Variants in SLC6A14 observed in about 807,000 individuals in gnomAD.
The protein encoded by SLC6A14 is sodium- and chloride-dependent neutral and basic amino acid transporter B(0+).
A neutral mutation model predicts 51.4 loss-of-function variants in SLC6A14; 21 were observed. That is an observed-to-expected ratio of 0.41 (90% CI 0.29 to 0.59). The LOEUF is 0.59. Ranked by LOEUF, SLC6A14 falls within the 20% of genes least tolerant of loss-of-function variation. SLC6A14 has a pLI of 0.31. For missense variants in SLC6A14, 371 were observed against 472.8 expected, an observed-to-expected ratio of 0.78 and a Z score of 2.00; for synonymous variants, 177 against 160.7, an observed-to-expected ratio of 1.10 and a Z score of -0.77.
At chrX:116,450,665 G>A (rs1262305992) in intron 7 of SLC6A14, among the ~76,000 whole-genome samples, 2 of 112,001 alleles carry the variant, frequency 1.8e-5, no homozygotes, top group African/African-American at 3.2e-5. Context: ...GGCCAGGCGC[G>A]GTTGCTCACG....
intron 9 of SLC6A14, 76 bp downstream of exon 9, chrX:116,453,218 T>C: frequency 1.1e-6 from 1 of 918,613 alleles, no homozygotes; most frequent in Non-Finnish European, 1.5e-6. Flanking sequence ...ACAAGGTGCT[T>C]TTATTACCCC....
intron 2 of SLC6A14, among the ~76,000 whole-genome samples, chrX:116,440,452 T>C (rs1927572649): frequency 8.9e-6 from 1 of 112,373 alleles, no homozygotes; most frequent in Non-Finnish European, 1.9e-5. Flanking sequence ...AGACCATTTA[T>C]TTTTAAAGGA....
At position 116,459,704 on chromosome X, in the gene SLC6A14, A is replaced by G. The variant is rs1243123420; in HGVS notation, c.*749A>G. Reference sequence around the variant, plus strand: ...TCCTTAGGTAATTTGGAAGAAAACTATGACCCATTTAATTTCTATTGTGTT... The same window carrying G: ...TCCTTAGGTAATTTGGAAGAAAACTGTGACCCATTTAATTTCTATTGTGTT... On this transcript the variant is annotated 3_prime_UTR_variant, in exon 14 of 14. Coordinates refer to ENST00000598581, the MANE Select transcript of SLC6A14 (RefSeq NM_007231.5). 8.9e-6 allele frequency: 1 copy of G among 112,174 alleles called. No individual in the cohort carries two copies. The highest frequency in any genetic ancestry group is 1.9e-5 in the Non-Finnish European group (1 of 53,104). 9.2% of individuals were successfully genotyped at this position (112,174 alleles called of 1,213,427 possible). A position where few individuals can be genotyped will look rare whatever the true frequency, so the allele number is the denominator to read the frequency against.
Position 116,459,087 on chromosome X carries a change from T to C in SLC6A14, c.*132T>C. On this transcript the variant is annotated 3_prime_UTR_variant, in exon 14 of 14. Transcript: ENST00000598581. Reference sequence around the variant, plus strand: ...TCATGATAGTGTGATTTTTTTCACATTTAAGCAGGAATGCAATATAAAAAT... The same window carrying C: ...TCATGATAGTGTGATTTTTTTCACACTTAAGCAGGAATGCAATATAAAAAT... The C allele has an allele frequency of 4.1e-6, 2 of 484,703 alleles. No homozygotes were observed. Among genetic ancestry groups the C allele is most frequent in the Non-Finnish European group, 6.5e-6 (2 of 305,409 alleles). The allele number at this position is 484,703 out of a possible 1,213,427, so 39.9% of individuals were successfully genotyped here. A position where few individuals can be genotyped will look rare whatever the true frequency, so the allele number is the denominator to read the frequency against.
chrX:116,447,591 C>CTTTTTTTTTTTT (rs782273399), intron 7 of SLC6A14, among the ~76,000 whole-genome samples: 2 of 91,939 alleles, frequency 2.2e-5, no homozygotes, highest in Non-Finnish European at 4.3e-5. Flanking sequence ...GCTTTCACTT[C>CTTTTTTTTTTTT]TTTTTTTTTT....
chrX:116,436,787 G>T (rs782333313), intron 1 of SLC6A14, 30 bp downstream of exon 1: 16 of 1,143,909 alleles, frequency 1.4e-5, no homozygotes, highest in Non-Finnish European at 1.9e-5. Context: ...GGGAGGTGTG[G>T]AGGACCTGAG....
intron 7 of SLC6A14, among the ~76,000 whole-genome samples, chrX:116,449,547 T>C (rs1927781560): frequency 8.9e-6 from 1 of 112,249 alleles, no homozygotes; most frequent in African/African-American, 3.2e-5. Context: ...GAAATAACCA[T>C]GATCTATCCC....
rs782781411 is a variant in SLC6A14 at position 116,458,903 on chromosome X, A to G, written c.1877A>G (p.Lys626Arg). ...ERYKDMVDPK[K>R]EADHEIPTVS... Reference sequence around the variant, plus strand: ...TATAAAGACATGGTAGATCCTAAAAAAGAGGCTGACCATGAAATACCTACT... The same window carrying G: ...TATAAAGACATGGTAGATCCTAAAAGAGAGGCTGACCATGAAATACCTACT... Residue 626 changes from lysine (K) to arginine (R), a missense_variant, in exon 14 of 14, where the codon AAA becomes AGA. By Grantham distance (26) the Lys-to-Arg change is conservative. This residue lies in a region of SLC6A14 where 94 missense variants were observed against 81.0 expected (regional missense o/e 1.16). Coordinates refer to ENST00000598581, the MANE Select transcript of SLC6A14 (RefSeq NM_007231.5). The G allele has an allele frequency of 1.2e-5, 14 of 1,202,382 alleles. No homozygotes were observed. Among genetic ancestry groups the G allele is most frequent in the Non-Finnish European group, 1.6e-5 (14 of 891,045 alleles).
chrX:116,447,037 A>C (rs1927728636), intron 7 of SLC6A14, among the ~76,000 whole-genome samples, 156 bp downstream of exon 7: 1 of 112,101 alleles, frequency 8.9e-6, no homozygotes, highest in Non-Finnish European at 1.9e-5. Context: ...TGTCTGACTT[A>C]GCTAATATTT....
At chrX:116,457,543 A>G in intron 12 of SLC6A14, 66 bp from the exon 13 acceptor site, 1 of 870,740 alleles carries the variant, frequency 1.1e-6, no homozygotes, top group Non-Finnish European at 1.6e-6. Context: ...ACAGAATCAA[A>G]TTGCTAATCA....
intron 7 of SLC6A14, among the ~76,000 whole-genome samples, chrX:116,450,507 G>A (rs1490834687): frequency 9.0e-6 from 1 of 111,623 alleles, no homozygotes; most frequent in African/African-American, 3.3e-5. Context: ...TATACTTTTC[G>A]ACATCACAGT....
rs1556694737 is a variant in SLC6A14, at chrX:116,455,457, C to G, written c.1605C>G (p.Ile535Met). Reference protein sequence around the residue: ...WRACWFVITPILLIAIFIWSL... With the variant: ...WRACWFVITPMLLIAIFIWSL... ...CTTGCTGGTTTGTAATTACGCCTAT[C>G]CTTTTGATTGTAAGTAATAATACAC... The change falls in exon 12 of 14, where the codon ATC (isoleucine) becomes ATG (methionine). Residue 535 changes from isoleucine (I) to methionine (M), a missense_variant. By Grantham distance (10) the Ile-to-Met change is conservative. This residue lies in a region of SLC6A14 where 277 missense variants were observed against 391.8 expected (regional missense o/e 0.71). Coordinates refer to ENST00000598581, the MANE Select transcript of SLC6A14 (RefSeq NM_007231.5). 1 of 1,154,710 alleles carries G rather than the reference C, an allele frequency of 8.7e-7. No homozygotes were observed. The highest frequency in any genetic ancestry group is 1.2e-6 in the Non-Finnish European group (1 of 845,555).
Position 116,458,864 on chromosome X carries a change from A to G in SLC6A14, c.1838A>G (p.His613Arg). 8.3e-7 allele frequency: 1 copy of G among 1,206,203 alleles called. No individual in the cohort carries two copies. Among genetic ancestry groups the G allele is most frequent in the Non-Finnish European group, 1.1e-6 (1 of 892,076 alleles). The change falls in exon 14 of 14, where the codon CAT becomes CGT. Residue 613 changes from histidine to arginine, a missense_variant. This residue lies in a region of SLC6A14 where 94 missense variants were observed against 81.0 expected (regional missense o/e 1.16). Transcript: ENST00000598581. ...ASNWGPYLEQ[H>R]RGERYKDMVD... ...AACTGGGGTCCATACCTGGAACAAC[A>G]TCGTGGGGAAAGATATAAAGACATG...
At chrX:116,448,887 C>T (rs1473431419) in intron 7 of SLC6A14, among the ~76,000 whole-genome samples, 5 of 111,855 alleles carry the variant, frequency 4.5e-5, no homozygotes, top group Non-Finnish European at 7.5e-5. Flanking sequence ...ATTTCATCTT[C>T]TCACCCCTTT....
intron 7 of SLC6A14, 56 bp from the exon 8 acceptor site, chrX:116,451,386 A>G (rs1927819245): frequency 2.4e-6 from 2 of 849,869 alleles, no homozygotes; most frequent in East Asian, 3.5e-5. Context: ...TGAAATATTT[A>G]CACAAATAAA....
rs1928047653 is a variant in SLC6A14 at position 116,461,174 on chromosome X, C to T, written c.*2219C>T. 1 of 111,371 alleles carries T rather than the reference C, an allele frequency of 9.0e-6. No homozygotes were observed. Among genetic ancestry groups the T allele is most frequent in the Admixed American group, 9.5e-5 (1 of 10,490 alleles). 9.2% of individuals were successfully genotyped at this position (111,371 alleles called of 1,213,427 possible). A position where few individuals can be genotyped will look rare whatever the true frequency, so the allele number is the denominator to read the frequency against. On this transcript the variant is annotated 3_prime_UTR_variant, in exon 14 of 14. Transcript: ENST00000598581. ...AAGGGAAAGAAATTCTTTTCAAAAG[C>T]TGACCACAAAGAGTAGTTAAAAGTT...
chrX:116,438,726 C>T (rs782455786), intron 2 of SLC6A14, among the ~76,000 whole-genome samples: 20 of 111,871 alleles, frequency 1.8e-4, no homozygotes, highest in African/African-American at 4.2e-4. Flanking sequence ...TTTATTTACT[C>T]GTAATTACAG....
chrX:116,452,238 A>G (rs782810647), intron 8 of SLC6A14, among the ~76,000 whole-genome samples: 1 of 111,486 alleles, frequency 9.0e-6, no homozygotes, highest in East Asian at 2.8e-4. Flanking sequence ...GTGATTCATA[A>G]CAGAATGTCA....
At chrX:116,450,718 C>G (rs1386078871) in intron 7 of SLC6A14, among the ~76,000 whole-genome samples, 1 of 111,997 alleles carries the variant, frequency 8.9e-6, no homozygotes, top group African/African-American at 3.2e-5. Flanking sequence ...GGTCAGATCA[C>G]CTGAGGTCAG....
Sources: gnomAD v4.1 joint callset for allele counts (sites outside exome capture counted in the v4.1 genomes callset) on GRCh38, gnomAD v4.1.1 for gene constraint, gnomAD v4.1.1 regional missense constraint, MANE v1.5 for transcripts, NCBI Gene and HGNC (gene_info 2026-07-23, HGNC 2026-07-21) for gene names.